The following TERF1 variants were observed in gnomAD, a reference collection of about 807,000 sequenced individuals.
The protein encoded by TERF1 is telomeric repeat binding factor 1.
TERF1 carries 20 observed loss-of-function variants against 55.1 expected under a neutral mutation model. The observed-to-expected ratio is 0.36, with a 90% CI of 0.26 to 0.53. TERF1 has a LOEUF of 0.53. Among genes scored for constraint, TERF1 ranks in the 20% least tolerant of loss-of-function variants. The pLI, the probability that TERF1 is intolerant of heterozygous loss-of-function variation, is 0.91. For missense variants in TERF1, 439 were observed against 535.7 expected (o/e 0.82, Z 1.78); for synonymous variants, 168 against 181.2 (o/e 0.93, Z 0.59).
At chr8:73,016,918 G>A (rs1808535632) in intron 2 of TERF1, among the ~76,000 whole-genome samples, 1 of 152,064 alleles carries the variant, frequency 6.6e-6, no homozygotes, top group Admixed American at 6.6e-5. Context: ...TCAGCAAATC[G>A]GCAGCTCACC....
At chr8:73,018,608 G>A (rs559801178) in intron 2 of TERF1, among the ~76,000 whole-genome samples, 75 of 152,270 alleles carry the variant, frequency 4.9e-4, no homozygotes, top group African/African-American at 1.6e-3. Context: ...CCCAGGGGGC[G>A]GAGGTTGCAG....
intron 6 of TERF1, 37 bp downstream of exon 6, chr8:73,027,089 A>T (rs1809041409): frequency 6.9e-7 from 1 of 1,454,064 alleles, no homozygotes; most frequent in Non-Finnish European, 9.5e-7. Context: ...TTTTTGTTTT[A>T]TGAATGTTCT....
chr8:73,040,665 C>T (rs1586069221), intron 9 of TERF1, among the ~76,000 whole-genome samples: 1 of 152,114 alleles, frequency 6.6e-6, no homozygotes, highest in Non-Finnish European at 1.5e-5. Context: ...GGAAAATGCT[C>T]AGCCATTATT....
intron 2 of TERF1, among the ~76,000 whole-genome samples, chr8:73,015,123 G>T (rs1361691554): frequency 6.6e-6 from 1 of 152,064 alleles, no homozygotes; most frequent in African/African-American, 2.4e-5. Context: ...AGGCAGGGGG[G>T]AATCCAGATT....
chr8:73,018,192 A>G (rs1808603363), intron 2 of TERF1, among the ~76,000 whole-genome samples: 1 of 152,138 alleles, frequency 6.6e-6, no homozygotes, highest in Non-Finnish European at 1.5e-5. Context: ...TTTGTATCTT[A>G]AGTACCTGAC....
At position 73,009,158 on chromosome 8, in the gene TERF1, G is replaced by C. The variant is rs999758009; in HGVS notation, c.272G>C (p.Arg91Pro). 1 of 1,611,166 alleles carries C rather than the reference G, an allele frequency of 6.2e-7. No homozygotes were observed. Among genetic ancestry groups the C allele is most frequent in the Non-Finnish European group, 8.5e-7 (1 of 1,179,848 alleles). Reference sequence around the variant, plus strand: ...TGCCTCTCTCTTTGCCGAGCTTTCCGCGACGGCCGCTCCGAGGACTTCCGC... The same window carrying C: ...TGCCTCTCTCTTTGCCGAGCTTTCCCCGACGGCCGCTCCGAGGACTTCCGC... ...FLCLSLCRAF[R>P]DGRSEDFRRT... Residue 91 changes from arginine (R) to proline (P), a missense_variant, in exon 1 of 10, where the codon CGC becomes CCC. Arg to Pro is a moderately radical substitution (Grantham distance 103). Coordinates refer to ENST00000276603, the MANE Select transcript of TERF1 (RefSeq NM_017489.3).
chr8:73,020,660 T>G, intron 2 of TERF1, 24 bp from the exon 3 acceptor site: 1 of 1,570,784 alleles, frequency 6.4e-7, no homozygotes, highest in South Asian at 1.2e-5. Context: ...TCTGAGTTAC[T>G]TATTTTTGTT....
chr8:73,014,852 G>C (rs963893560), intron 2 of TERF1, among the ~76,000 whole-genome samples: 2 of 152,130 alleles, frequency 1.3e-5, no homozygotes, highest in African/African-American at 4.8e-5. Flanking sequence ...GTTGGTGCCA[G>C]GACCATAAAT....
chr8:73,023,887 C>G (rs1254373985), intron 4 of TERF1, among the ~76,000 whole-genome samples: 1 of 152,180 alleles, frequency 6.6e-6, no homozygotes, highest in African/African-American at 2.4e-5. Flanking sequence ...TTTGGGAGAT[C>G]ATTTTAGCAA....
At chr8:73,018,544 T>C (rs1356493383) in intron 2 of TERF1, among the ~76,000 whole-genome samples, 2 of 152,010 alleles carry the variant, frequency 1.3e-5, no homozygotes, top group Admixed American at 1.3e-4. Flanking sequence ...GGCGTGGTGG[T>C]GGGCACCTGT....
intron 9 of TERF1, among the ~76,000 whole-genome samples, chr8:73,040,850 A>T (rs529021709): frequency 6.6e-6 from 1 of 152,144 alleles, no homozygotes; most frequent in Admixed American, 6.5e-5. Context: ...CTTCAAATGT[A>T]CTGATTCTTT....
chr8:73,032,011 G>A (rs1388166280), intron 7 of TERF1, 31 bp from the exon 8 acceptor site: 2 of 1,486,870 alleles, frequency 1.3e-6, no homozygotes, highest in Non-Finnish European at 9.3e-7. Flanking sequence ...TCTTTCTGGA[G>A]CCAATTACAA....
intron 7 of TERF1, chr8:73,031,334 A>G (rs1016246640): frequency 2.6e-5 from 4 of 152,268 alleles, no homozygotes; most frequent in Admixed American, 2.0e-4. Flanking sequence ...GACATTCTAG[A>G]AAGGACAATA....
chr8:73,021,191 A>G (rs1563459851), intron 3 of TERF1, among the ~76,000 whole-genome samples: 1 of 152,200 alleles, frequency 6.6e-6, no homozygotes, highest in Non-Finnish European at 1.5e-5. Flanking sequence ...ACGTCATTCA[A>G]AGATACAATA....
chr8:73,031,778 TC>T (rs1002834126), intron 7 of TERF1: 18 of 269,070 alleles, frequency 6.7e-5, no homozygotes, highest in African/African-American at 3.9e-4. Context: ...TCTTGTCTTT[TC>T]TTTTTTTTGC....
chr8:73,013,355 G>T (rs1033155680), intron 1 of TERF1, among the ~76,000 whole-genome samples: 2 of 152,104 alleles, frequency 1.3e-5, no homozygotes, highest in East Asian at 1.9e-4. Flanking sequence ...TACTTCAGTA[G>T]TTCAATCGCT....
At chr8:73,014,072 G>T in intron 2 of TERF1, 82 bp downstream of exon 2, 1 of 1,230,716 alleles carries the variant, frequency 8.1e-7, no homozygotes, top group East Asian at 2.4e-5. Flanking sequence ...AGACGTTTTT[G>T]GGGGAAGTTT....
intron 2 of TERF1, among the ~76,000 whole-genome samples, chr8:73,015,743 T>A (rs1808476848): frequency 6.6e-6 from 1 of 152,052 alleles, no homozygotes; most frequent in Non-Finnish European, 1.5e-5. Context: ...GGTAGGATCG[T>A]TTGAGCCCAG....
rs1273448425 is a variant in TERF1 at position 73,020,727 on chromosome 8, A to G, written c.459A>G (p.Ser153=). ...ATGAACGAATTACACCCTTGGAATC[A>G]GCCCTGATGATTTGGGGTTCAATTG... The part of the protein sequence containing the change: ...ENDERITPLE[S]ALMIWGSIEK... Residue 153 remains serine, a synonymous_variant, in exon 3 of 10, where the codon TCA becomes TCG. Transcript: ENST00000276603. 1.9e-6 allele frequency: 3 copies of G among 1,602,380 alleles called. No individual in the cohort carries two copies. The highest frequency in any genetic ancestry group is 2.6e-6 in the Non-Finnish European group (3 of 1,174,044).
Sources: gnomAD v4.1 joint callset for allele counts (sites outside exome capture counted in the v4.1 genomes callset) on GRCh38, gnomAD v4.1.1 for gene constraint, MANE v1.5 for transcripts, NCBI Gene and HGNC (gene_info 2026-07-23, HGNC 2026-07-21) for gene names.